SULF2: variants seen among roughly 807,000 people sequenced by gnomAD.
SULF2 encodes the protein sulfatase 2.
In SULF2, 52 loss-of-function variants were observed where a neutral mutation model predicts 107.7. The observed-to-expected ratio is 0.48, with a 90% confidence interval of 0.39 to 0.61. The LOEUF (loss-of-function observed/expected upper bound fraction) is 0.61, where lower values mean the gene tolerates loss of function less well. SULF2 is among the 20% of genes least tolerant of loss of function. SULF2 has a pLI of 0.00. For missense variants in SULF2, 993 were observed against 1,177.3 expected, an observed-to-expected ratio of 0.84 and a Z score of 2.29; for synonymous variants, 460 against 464.3, an observed-to-expected ratio of 0.99 and a Z score of 0.12.
rs145131382 is a variant in SULF2, at chr20:47,729,590, GA to G, written c.415+7112del. Among the ~76,000 whole-genome samples the G allele has an allele frequency of 1.2e-3, 178 of 150,474 alleles. 1 individual carries two copies. Among genetic ancestry groups the G allele is most frequent in the Non-Finnish European group, 1.7e-3 (114 of 67,508 alleles). ...TGAATGTGGAGTGTGAAAGGAATAG[GA>G]AAAAAAAAATCAAGAATGGTGCTAA... On this transcript the variant is annotated intron_variant, in intron 3 of 20. Transcript: ENST00000688720.
At chr20:47,692,101 A>T (rs1568822265) in intron 4 of SULF2, among the ~76,000 whole-genome samples, 1 of 152,212 alleles carries the variant, frequency 6.6e-6, no homozygotes, top group Non-Finnish European at 1.5e-5. Flanking sequence ...TTAGCTGCTA[A>T]TCTTTCTTCA....
At chr20:47,757,031 T>A (rs538724811) in intron 2 of SULF2, among the ~76,000 whole-genome samples, 158 bp downstream of exon 2, 17 of 152,364 alleles carry the variant, frequency 1.1e-4, no homozygotes, top group African/African-American at 3.8e-4. Flanking sequence ...GACCCAGTTG[T>A]GACCCCAAAC....
At chr20:47,747,921 C>A (rs1367958047) in intron 2 of SULF2, among the ~76,000 whole-genome samples, 1 of 152,186 alleles carries the variant, frequency 6.6e-6, no homozygotes, top group Non-Finnish European at 1.5e-5. Flanking sequence ...ACCTCTCTCG[C>A]TCTGCAGTGC....
chr20:47,760,382 C>T (rs1049122453), intron 1 of SULF2, among the ~76,000 whole-genome samples: 3 of 151,980 alleles, frequency 2.0e-5, no homozygotes, highest in Non-Finnish European at 4.4e-5. Flanking sequence ...CAGTAGCCTT[C>T]GTGTCTGTGT....
At chr20:47,673,541 G>T (rs1416513441) in intron 10 of SULF2, among the ~76,000 whole-genome samples, 1 of 152,062 alleles carries the variant, frequency 6.6e-6, no homozygotes. Context: ...GCCGTTGAAG[G>T]CCCTGGTGCC....
intron 2 of SULF2, among the ~76,000 whole-genome samples, chr20:47,748,484 T>C (rs2090095195): frequency 6.6e-6 from 1 of 152,240 alleles, no homozygotes; most frequent in Admixed American, 6.5e-5. Context: ...CTGATCAGGC[T>C]GTGACTTTAT....
chr20:47,736,968 C>G (rs201251137), intron 2 of SULF2, 26 bp from the exon 3 acceptor site: 3 of 1,613,086 alleles, frequency 1.9e-6, no homozygotes, highest in Non-Finnish European at 2.5e-6. Context: ...GGAAGTAAGG[C>G]GCAGGGCAGG....
chr20:47,660,744 A>G (rs896779208), intron 18 of SULF2, among the ~76,000 whole-genome samples: 1 of 152,076 alleles, frequency 6.6e-6, no homozygotes, highest in Admixed American at 6.6e-5. Flanking sequence ...AAGCCCTGGA[A>G]TCATAGGCAT....
At chr20:47,785,548 C>CGCCCCCG (rs528836686), upstream of SULF2, 2,779 of 146,494 alleles carry the variant, frequency 0.019, 37 homozygotes, top group South Asian at 0.034. Flanking sequence ...CCGCCGCCAC[C>CGCCCCCG]GCCCCCGGCC....
chr20:47,696,402 A>AC (rs5841704), intron 4 of SULF2, among the ~76,000 whole-genome samples: 116,273 of 151,510 alleles, frequency 0.77, 44,731 homozygotes, highest in East Asian at 0.85. Flanking sequence ...ACTCCTTACC[A>AC]CCCCCCCACC....
Position 47,725,401 on chromosome 20 carries a change from TG to T in SULF2, c.415+11301del, listed in dbSNP as rs536529257. 8.7e-4 allele frequency among the ~76,000 whole-genome samples: 133 copies of T among 152,290 alleles called. 2 individuals carry two copies. The highest frequency in any genetic ancestry group is 5.5e-3 in the Admixed American group (84 of 15,296). Reference sequence around the variant, plus strand: ...TGTGGTAGGAAACTCAGAAGCTATGTGGAATACAATGCAATGTGGGGGCCAC... The same window carrying T: ...TGTGGTAGGAAACTCAGAAGCTATGTGAATACAATGCAATGTGGGGGCCAC... On this transcript the variant is annotated intron_variant, in intron 3 of 20. Coordinates refer to ENST00000688720, the MANE Select transcript of SULF2 (RefSeq NM_001387048.1).
intron 1 of SULF2, among the ~76,000 whole-genome samples, chr20:47,770,450 A>T (rs140831263): frequency 8.6e-4 from 131 of 152,280 alleles, no homozygotes; most frequent in Admixed American, 1.6e-3. Context: ...CACTGAGATG[A>T]CTAGGTGGGA....
At chr20:47,730,598 CCACCA>C (rs1479306141) in intron 3 of SULF2, among the ~76,000 whole-genome samples, 4 of 151,890 alleles carry the variant, frequency 2.6e-5, no homozygotes, top group African/African-American at 9.7e-5. Context: ...TTACAGGCGC[CCACCA>C]CCACACTCAG....
Position 47,742,265 on chromosome 20 carries a change from G to C in SULF2, c.176-5323C>G, listed in dbSNP as rs1656769882. ...GCAGAAGGACAGCTCCGACGGGAGGGAAGGACCTGAACGACACGGCCACAC... is the reference window on the plus strand; with the variant it reads ...GCAGAAGGACAGCTCCGACGGGAGGCAAGGACCTGAACGACACGGCCACAC... On this transcript the variant is annotated intron_variant, in intron 2 of 20. Coordinates refer to ENST00000688720, the MANE Select transcript of SULF2 (RefSeq NM_001387048.1). Among the ~76,000 whole-genome samples the C allele has an allele frequency of 2.0e-5, 3 of 152,242 alleles. No individual in the cohort carries two copies. In the South Asian group the frequency reaches 6.2e-4, roughly 31 times the overall value.
At chr20:47,665,547 C>T (rs1754100646) in intron 13 of SULF2, among the ~76,000 whole-genome samples, 1 of 152,240 alleles carries the variant, frequency 6.6e-6, no homozygotes, top group Non-Finnish European at 1.5e-5. Flanking sequence ...GCGCAGGAAC[C>T]CGCTGAGCCC....
chr20:47,786,598 T>G (rs1199185340), upstream of SULF2: 1 of 151,976 alleles, frequency 6.6e-6, no homozygotes, highest in African/African-American at 2.4e-5. Context: ...AAATAGCAGC[T>G]GTTGTCCAGA....
chr20:47,701,002 C>T (rs933251694), intron 4 of SULF2, among the ~76,000 whole-genome samples: 125 of 152,072 alleles, frequency 8.2e-4, no homozygotes, highest in African/African-American at 2.7e-3. Context: ...GGTGTATAAC[C>T]AAAAGAAATG....
Position 47,682,987 on chromosome 20 carries a change from CACTT to C in SULF2, c.1064+3_1064+6del. On this transcript the variant is annotated splice_donor_5th_base_variant and intron_variant, in intron 7 of 20. Coordinates refer to ENST00000688720, the MANE Select transcript of SULF2 (RefSeq NM_001387048.1). ...CTCCCTGGGTCCCTGGGGGATGACACACTTACAGACAGCCGGCTTCCACGTTGGG... is the reference window on the plus strand; with the variant it reads ...CTCCCTGGGTCCCTGGGGGATGACACACAGACAGCCGGCTTCCACGTTGGG... 1 of 1,596,580 alleles carries C rather than the reference CACTT, an allele frequency of 6.3e-7. No homozygotes were observed. The highest frequency in any genetic ancestry group is 8.6e-7 in the Non-Finnish European group (1 of 1,169,122).
chr20:47,762,770 T>C (rs1372602644), intron 1 of SULF2, among the ~76,000 whole-genome samples: 1 of 152,194 alleles, frequency 6.6e-6, no homozygotes, highest in Non-Finnish European at 1.5e-5. Flanking sequence ...CGGGGCACAG[T>C]CAGCTGGACT....
Sources: gnomAD v4.1 joint callset for allele counts (sites outside exome capture counted in the v4.1 genomes callset) on GRCh38, gnomAD v4.1.1 for gene constraint, MANE v1.5 for transcripts, NCBI Gene and HGNC (gene_info 2026-07-23, HGNC 2026-07-21) for gene names.